Variants in OR9Q1 observed in about 807,000 individuals in gnomAD.
OR9Q1 encodes olfactory receptor family 9 subfamily Q member 1, also known as olfactory receptor 9Q1.
For synonymous variants in OR9Q1, 153 were observed against 148.6 expected, an observed-to-expected ratio of 1.03 and a Z score of -0.22; for missense variants, 374 against 378.8, an observed-to-expected ratio of 0.99 and a Z score of 0.11.
At chr11:58,121,176 C>T (rs1351219249) in intron 2 of OR9Q1, among the ~76,000 whole-genome samples, 1 of 152,108 alleles carries the variant, frequency 6.6e-6, no homozygotes. Flanking sequence ...TTCTTTTGAT[C>T]TAACAAATTG....
intron 2 of OR9Q1, among the ~76,000 whole-genome samples, chr11:58,163,541 G>C (rs1055523881): frequency 1.4e-4 from 22 of 152,330 alleles, no homozygotes; most frequent in African/African-American, 4.6e-4. Flanking sequence ...AGCTGGTAAA[G>C]GTCATGCCAA....
At chr11:58,085,937 G>A (rs1346032652) in intron 2 of OR9Q1, among the ~76,000 whole-genome samples, 1 of 151,730 alleles carries the variant, frequency 6.6e-6, no homozygotes, top group Non-Finnish European at 1.5e-5. Flanking sequence ...GTGGATCCTA[G>A]GATGGTCTGA....
rs547538804 is a variant in OR9Q1, at chr11:58,117,854, A to G, written c.-14-61577A>G. 10 of 152,310 alleles carry G rather than the reference A, an allele frequency of 6.6e-5. No homozygotes were observed. The East Asian group carries it at 1.9e-3, about 29-fold the overall frequency. 9.4% of individuals were successfully genotyped at this position (152,310 alleles called of 1,614,324 possible). A position where few individuals can be genotyped will look rare whatever the true frequency, so the allele number is the denominator to read the frequency against. On this transcript the variant is annotated intron_variant, in intron 2 of 2. Coordinates refer to ENST00000335397, the MANE Select transcript of OR9Q1 (RefSeq NM_001005212.4). ...CATTAAAAAAAGGAACAACAAAACCAGTAAGGTACCAAGTGATAAGGAAAA... is the reference window on the plus strand; with the variant it reads ...CATTAAAAAAAGGAACAACAAAACCGGTAAGGTACCAAGTGATAAGGAAAA...
intron 2 of OR9Q1, among the ~76,000 whole-genome samples, chr11:58,120,135 T>C (rs976258721): frequency 6.6e-6 from 1 of 152,164 alleles, no homozygotes; most frequent in Non-Finnish European, 1.5e-5. Context: ...CCACCCCAGC[T>C]CAGGGGCCAT....
chr11:58,179,390 T>C, intron 2 of OR9Q1, 41 bp from the exon 3 acceptor site: 1 of 1,216,008 alleles, frequency 8.2e-7, no homozygotes, highest in East Asian at 2.3e-5. Flanking sequence ...GTAAATCCTA[T>C]TTGCACCTTC....
chr11:58,165,930 A>G (rs559161435), intron 2 of OR9Q1, among the ~76,000 whole-genome samples: 5 of 152,366 alleles, frequency 3.3e-5, no homozygotes, highest in African/African-American at 1.2e-4. Context: ...TATTCAGCAC[A>G]GGAAAATGAT....
In OR9Q1 at chr11:58,179,791, C is replaced by G; in HGVS notation, c.347C>G (p.Ala116Gly). Residue 116 changes from alanine (A) to glycine (G), a missense_variant, in exon 3 of 3, where the codon GCC (alanine) becomes GGC (glycine). Ala to Gly is a moderately conservative substitution (Grantham distance 60). Coordinates refer to ENST00000335397, the MANE Select transcript of OR9Q1 (RefSeq NM_001005212.4). ...FFGSIDCYLL[A>G]LMAYDRYLAV... The stretch of plus-strand genomic sequence containing the variant: ...GGTTCCATCGACTGCTACCTCTTGG[C>G]CCTCATGGCCTATGACCGCTACTTG... 1.2e-6 allele frequency: 2 copies of G among 1,614,188 alleles called. No individual in the cohort carries two copies. The highest frequency in any genetic ancestry group is 1.7e-6 in the Non-Finnish European group (2 of 1,180,028).
intron 2 of OR9Q1, among the ~76,000 whole-genome samples, chr11:58,163,530 G>T (rs1329636052): frequency 6.6e-6 from 1 of 152,226 alleles, no homozygotes; most frequent in Non-Finnish European, 1.5e-5. Context: ...CAGCTGCAGA[G>T]AGCTGGTAAA....
intron 2 of OR9Q1, among the ~76,000 whole-genome samples, chr11:58,123,133 G>C (rs996489954): frequency 1.3e-5 from 2 of 151,926 alleles, no homozygotes; most frequent in African/African-American, 4.8e-5. Flanking sequence ...TAAATCTTTG[G>C]GAGATTAATT....
At position 58,079,979 on chromosome 11, in the gene OR9Q1, AAG is replaced by A. The variant is rs1435272115; in HGVS notation, c.-15+24035_-15+24036del. On this transcript the variant is annotated intron_variant, in intron 2 of 2. Transcript: ENST00000335397. The stretch of plus-strand genomic sequence containing the variant: ...TTTTTAAGTTTTAAGTTACGCAGCA[AAG>A]AGTAATAAATACCTAGTTCTACAAA... Among the ~76,000 whole-genome samples the A allele has an allele frequency of 2.0e-5, 3 of 152,312 alleles. No homozygotes were observed. In the East Asian group the frequency reaches 5.8e-4, roughly 29 times the overall value.
intron 2 of OR9Q1, among the ~76,000 whole-genome samples, chr11:58,115,133 A>C (rs1056737715): frequency 6.6e-6 from 1 of 152,298 alleles, no homozygotes; most frequent in East Asian, 1.9e-4. Context: ...CTGCTTTGAG[A>C]ATTGAAACTT....
intron 2 of OR9Q1, among the ~76,000 whole-genome samples, chr11:58,142,455 A>T (rs1182486547): frequency 2.6e-5 from 4 of 152,136 alleles, no homozygotes; most frequent in African/African-American, 9.7e-5. Context: ...TCAGGGTAAG[A>T]TTTGGCCTTA....
intron 1 of OR9Q1, among the ~76,000 whole-genome samples, chr11:58,034,074 C>CTTTT (rs61109050): frequency 3.3e-5 from 2 of 61,148 alleles, no homozygotes; most frequent in Admixed American, 1.9e-4. Context: ...TCAGCACTTG[C>CTTTT]TTTTTTTTTT....
chr11:58,105,703 C>T lies in OR9Q1; in HGVS notation c.-15+49756C>T, dbSNP rs920819293. On this transcript the variant is annotated intron_variant, in intron 2 of 2. Coordinates refer to ENST00000335397, the MANE Select transcript of OR9Q1 (RefSeq NM_001005212.4). ...TTCTATAAGTTTAAATATTTTAGAT[C>T]CCTCATAAAAGTGGAATTATACAGT... 3.9e-5 allele frequency among the ~76,000 whole-genome samples: 6 copies of T among 152,092 alleles called. No individual in the cohort carries two copies. In the South Asian group the frequency reaches 6.2e-4, roughly 16 times the overall value.
At chr11:58,147,942 T>A (rs1854314638) in intron 2 of OR9Q1, among the ~76,000 whole-genome samples, 1 of 152,152 alleles carries the variant, frequency 6.6e-6, no homozygotes, top group South Asian at 2.1e-4. Flanking sequence ...TGTTTTCTTT[T>A]TTTCCTTCTC....
intron 2 of OR9Q1, among the ~76,000 whole-genome samples, chr11:58,080,049 C>T (rs955961972): frequency 4.6e-5 from 7 of 152,008 alleles, no homozygotes; most frequent in Non-Finnish European, 7.4e-5. Flanking sequence ...ATTTTAGATA[C>T]GGGGGTACAT....
chr11:58,039,585 G>C (rs1444107106), intron 1 of OR9Q1, among the ~76,000 whole-genome samples: 3 of 152,198 alleles, frequency 2.0e-5, no homozygotes, highest in Admixed American at 6.5e-5. Flanking sequence ...GAAGTGGAGA[G>C]GCTTCCTTTA....
intron 2 of OR9Q1, among the ~76,000 whole-genome samples, chr11:58,076,447 T>G (rs536194562): frequency 2.9e-4 from 44 of 152,284 alleles, no homozygotes; most frequent in African/African-American, 1.0e-3. Flanking sequence ...GGGACTGACT[T>G]AGAAGCCACC....
In OR9Q1 at chr11:58,180,099, C is replaced by T. The variant is rs183256582; in HGVS notation, c.655C>T (p.Leu219=). The T allele has an allele frequency of 3.1e-6, 5 of 1,614,022 alleles. No homozygotes were observed. The highest frequency in any genetic ancestry group is 3.4e-6 in the Non-Finnish European group (4 of 1,179,992). Residue 219 remains leucine (L), a synonymous_variant, in exon 3 of 3, where the codon CTG becomes TTG. Coordinates refer to ENST00000335397, the MANE Select transcript of OR9Q1 (RefSeq NM_001005212.4). ...CATGGTGGTGATCTTGGTGTCCTACCTGTTTATCATCGTGGCCATCATGGG... is the reference window on the plus strand; with the variant it reads ...CATGGTGGTGATCTTGGTGTCCTACTTGTTTATCATCGTGGCCATCATGGG... ...ASMVVILVSY[L]FIIVAIMGIP...
Sources: gnomAD v4.1 joint callset for allele counts (sites outside exome capture counted in the v4.1 genomes callset) on GRCh38, gnomAD v4.1.1 for gene constraint, MANE v1.5 for transcripts, NCBI Gene and HGNC (gene_info 2026-07-23, HGNC 2026-07-21) for gene names.